The following LOC400499 variants were observed in gnomAD, a reference collection of about 807,000 sequenced individuals.
At chr16:11,497,404 CT>C in the LOC400499 span, among the ~76,000 whole-genome samples, 3 of 152,182 alleles carry the variant, frequency 2.0e-5, no homozygotes, top group Non-Finnish European at 4.4e-5. Flanking sequence ...GCGGGCTTGG[CT>C]GGGAGGGCAG....
the LOC400499 span, among the ~76,000 whole-genome samples, chr16:11,463,709 G>A: frequency 1.3e-5 from 2 of 152,028 alleles, no homozygotes; most frequent in Non-Finnish European, 2.9e-5. Context: ...ATGTATATAT[G>A]GATGTGTGTG....
chr16:11,417,683 A>T, the LOC400499 span: 1 of 399,254 alleles, frequency 2.5e-6, no homozygotes, highest in Non-Finnish European at 4.4e-6. Flanking sequence ...AACCCTGCCC[A>T]CAACAAAGCC....
the LOC400499 span, among the ~76,000 whole-genome samples, chr16:11,462,910 C>G: frequency 6.6e-6 from 1 of 152,198 alleles, no homozygotes; most frequent in Non-Finnish European, 1.5e-5. Flanking sequence ...GCTGCCTCAC[C>G]AGCTGGAGCC....
At chr16:11,420,009 G>C in the LOC400499 span, among the ~76,000 whole-genome samples, 9 of 150,362 alleles carry the variant, frequency 6.0e-5, no homozygotes, top group Non-Finnish European at 1.3e-4. Context: ...CTGTAAACTA[G>C]TTCAACCATT....
At chr16:11,391,682 C>G in the LOC400499 span, 1 of 1,232,244 alleles carries the variant, frequency 8.1e-7, no homozygotes, top group Non-Finnish European at 1.0e-6. Flanking sequence ...GCTCCTCCCG[C>G]AGCTGCTCCA....
the LOC400499 span, among the ~76,000 whole-genome samples, chr16:11,505,445 C>CT: frequency 0.016 from 1,173 of 71,988 alleles, 192 homozygotes; most frequent in African/African-American, 0.056. Flanking sequence ...TTTTTCTTTT[C>CT]TTTTTTTTTT....
At chr16:11,436,409 C>T in the LOC400499 span, among the ~76,000 whole-genome samples, 1 of 151,974 alleles carries the variant, frequency 6.6e-6, no homozygotes. Context: ...CTGAAGGGAG[C>T]AGTGGGGAGG....
chr16:11,437,830 C>T, the LOC400499 span, among the ~76,000 whole-genome samples: 1,823 of 152,306 alleles, frequency 0.012, 44 homozygotes, highest in African/African-American at 0.042. Flanking sequence ...GATCATGCCA[C>T]GGCACTCCAG....
the LOC400499 span, among the ~76,000 whole-genome samples, chr16:11,373,349 G>A: frequency 6.6e-6 from 1 of 152,182 alleles, no homozygotes; most frequent in Non-Finnish European, 1.5e-5. Context: ...TAAAAGATGG[G>A]TTTTAACTTT....
At chr16:11,393,986 C>A in the LOC400499 span, among the ~76,000 whole-genome samples, 1 of 152,160 alleles carries the variant, frequency 6.6e-6, no homozygotes, top group African/African-American at 2.4e-5. Flanking sequence ...CATCTAGGAG[C>A]CCAACCCAGC....
At chr16:11,509,397 C>A in the LOC400499 span, among the ~76,000 whole-genome samples, 4 of 150,372 alleles carry the variant, frequency 2.7e-5, no homozygotes, top group Non-Finnish European at 4.4e-5. Flanking sequence ...GGATTACAGG[C>A]GTGAGCCACC....
At chr16:11,450,731 C>A in the LOC400499 span, 1 of 1,536,154 alleles carries the variant, frequency 6.5e-7, no homozygotes. Context: ...AGCGTTAGCT[C>A]CAGGACAGCC....
At chr16:11,477,854 G>A in the LOC400499 span, 2 of 398,860 alleles carry the variant, frequency 5.0e-6, no homozygotes, top group Non-Finnish European at 8.8e-6. Flanking sequence ...AGAGAAATCC[G>A]AGCGCTGCTG....
the LOC400499 span, among the ~76,000 whole-genome samples, chr16:11,403,562 G>A: frequency 3.3e-5 from 5 of 152,174 alleles, no homozygotes; most frequent in Non-Finnish European, 7.3e-5. Context: ...GCCTTCCAGG[G>A]CACACATGTG....
At chr16:11,389,066 AACAAAGAAC>A in the LOC400499 span, among the ~76,000 whole-genome samples, 1 of 152,162 alleles carries the variant, frequency 6.6e-6, no homozygotes, top group Non-Finnish European at 1.5e-5. Flanking sequence ...CAGCCTGGGC[AACAAAGAAC>A]AAGACTCCAT....
chr16:11,497,505 C>T, the LOC400499 span, among the ~76,000 whole-genome samples: 4 of 152,184 alleles, frequency 2.6e-5, no homozygotes, highest in Admixed American at 6.5e-5. Flanking sequence ...CCAAGAAAGG[C>T]GGCGGGGGCA....
the LOC400499 span, chr16:11,487,314 G>A: frequency 2.5e-6 from 1 of 399,250 alleles, no homozygotes; most frequent in Non-Finnish European, 4.4e-6. Flanking sequence ...GTTGACTGTG[G>A]CAGAACGGGG....
chr16:11,459,856 G>T, the LOC400499 span: 17 of 1,318,248 alleles, frequency 1.3e-5, no homozygotes, highest in Non-Finnish European at 1.7e-5. Flanking sequence ...GTCCATGCTG[G>T]ACTCATGGGG....
the LOC400499 span, among the ~76,000 whole-genome samples, chr16:11,408,448 A>G: frequency 8.0e-6 from 1 of 124,322 alleles, no homozygotes; most frequent in African/African-American, 2.9e-5. Context: ...TTGTCAGTGC[A>G]GGATTTTTTT....
Sources: gnomAD v4.1 joint callset for allele counts (sites outside exome capture counted in the v4.1 genomes callset) on GRCh38, gnomAD v4.1.1 for gene constraint, MANE v1.5 for transcripts.